Variants in ADGRL3 observed in about 807,000 individuals in gnomAD.
The protein encoded by ADGRL3 is calcium-independent alpha-latrotoxin receptor 3.
In ADGRL3, 62 loss-of-function variants were observed where a neutral mutation model predicts 153.5. The ratio of observed to expected loss-of-function variants is 0.40; its 90% CI spans 0.33 to 0.50. The LOEUF (loss-of-function observed/expected upper bound fraction) is 0.50. Among genes scored for constraint, ADGRL3 ranks in the 20% least tolerant of loss-of-function variants. The pLI is 0.47. For synonymous variants in ADGRL3, 710 were observed against 672.5 expected (o/e 1.06, Z -0.86); for missense variants, 1,641 against 1,859.4 (o/e 0.88, Z 2.16).
chr4:61,353,742 A>G (rs1364663580), intron 1 of ADGRL3, among the ~76,000 whole-genome samples: 1 of 151,356 alleles, frequency 6.6e-6, no homozygotes, highest in African/African-American at 2.4e-5. Flanking sequence ...TACACATCCT[A>G]AGTGTTCTTT....
intron 1 of ADGRL3, among the ~76,000 whole-genome samples, chr4:61,239,115 C>T (rs1221612225): frequency 2.0e-5 from 3 of 152,070 alleles, no homozygotes; most frequent in African/African-American, 4.8e-5. Context: ...CTAAAACTAC[C>T]ACCAAGCACT....
chr4:61,528,160 T>G (rs2098584556), intron 4 of ADGRL3, among the ~76,000 whole-genome samples: 1 of 152,144 alleles, frequency 6.6e-6, no homozygotes, highest in Non-Finnish European at 1.5e-5. Context: ...ATAATAACGG[T>G]CATAACTCAT....
At chr4:61,870,986 G>A (rs1334327472) in intron 9 of ADGRL3, among the ~76,000 whole-genome samples, 1 of 152,112 alleles carries the variant, frequency 6.6e-6, no homozygotes, top group Non-Finnish European at 1.5e-5. Context: ...CATTAAAAAA[G>A]TGTATACGGG....
intron 8 of ADGRL3, among the ~76,000 whole-genome samples, chr4:61,799,038 T>C (rs550559086): frequency 0.014 from 1,665 of 115,646 alleles, 41 homozygotes; most frequent in African/African-American, 0.045. Context: ...TATATATATA[T>C]ACCATATATT....
Position 61,248,456 on chromosome 4 carries a change from T to A in ADGRL3, c.-240+46691T>A, listed in dbSNP as rs75010531. 4.4e-4 allele frequency among the ~76,000 whole-genome samples: 67 copies of A among 152,290 alleles called. 1 individual carries two copies. Among genetic ancestry groups the A allele is most frequent in the Admixed American group, 6.5e-4 (10 of 15,286 alleles). On this transcript the variant is annotated intron_variant, in intron 1 of 26. Coordinates refer to ENST00000683033, the MANE Select transcript of ADGRL3 (RefSeq NM_001387552.1). Reference sequence around the variant, plus strand: ...AGGTGTTTTAAAGAACAAATTTCACTGCTATTTTATAATCAGCTCAGCTAA... The same window carrying A: ...AGGTGTTTTAAAGAACAAATTTCACAGCTATTTTATAATCAGCTCAGCTAA...
At chr4:62,055,317 G>A (rs2151803815) in intron 25 of ADGRL3, among the ~76,000 whole-genome samples, 1 of 151,850 alleles carries the variant, frequency 6.6e-6, no homozygotes, top group East Asian at 1.9e-4. Flanking sequence ...GTACTTTAGA[G>A]AAAATATGTC....
chr4:61,755,023 T>C (rs974495680), intron 8 of ADGRL3, among the ~76,000 whole-genome samples: 1 of 152,244 alleles, frequency 6.6e-6, no homozygotes, highest in Admixed American at 6.5e-5. Context: ...CTATCATTGT[T>C]GGACATTTGG....
chr4:61,790,483 C>G (rs550574948), intron 8 of ADGRL3, among the ~76,000 whole-genome samples: 1 of 152,084 alleles, frequency 6.6e-6, no homozygotes, highest in African/African-American at 2.4e-5. Flanking sequence ...AAATTAGGAA[C>G]AGTAAAAGAT....
chr4:61,761,932 A>G (rs544677811), intron 8 of ADGRL3, among the ~76,000 whole-genome samples: 60 of 152,356 alleles, frequency 3.9e-4, no homozygotes, highest in Non-Finnish European at 7.3e-4. Flanking sequence ...CTCTGTCTCT[A>G]ATAAATAAAT....
intron 6 of ADGRL3, among the ~76,000 whole-genome samples, chr4:61,701,895 A>G (rs1015052850): frequency 6.6e-6 from 1 of 152,150 alleles, no homozygotes; most frequent in South Asian, 2.1e-4. Context: ...TTAGGATCTG[A>G]GGAATGTTAA....
At chr4:62,050,620 T>C (rs1733584644) in intron 25 of ADGRL3, among the ~76,000 whole-genome samples, 1 of 152,084 alleles carries the variant, frequency 6.6e-6, no homozygotes, top group African/African-American at 2.4e-5. Context: ...GAAAAAAATC[T>C]AAGTGATGTT....
chr4:61,437,734 A>G (rs745468401), intron 2 of ADGRL3, among the ~76,000 whole-genome samples: 1 of 152,118 alleles, frequency 6.6e-6, no homozygotes, highest in Non-Finnish European at 1.5e-5. Flanking sequence ...ATTGTCCTCA[A>G]ACAAACTCCC....
intron 6 of ADGRL3, among the ~76,000 whole-genome samples, chr4:61,685,452 G>T (rs577729793): frequency 6.6e-6 from 1 of 152,186 alleles, no homozygotes; most frequent in South Asian, 2.1e-4. Context: ...CAATCAATAT[G>T]ATTCTATGAT....
chr4:61,713,283 A>C (rs931096640), intron 6 of ADGRL3, among the ~76,000 whole-genome samples: 5 of 151,836 alleles, frequency 3.3e-5, no homozygotes, highest in African/African-American at 1.2e-4. Flanking sequence ...GAGTATACTC[A>C]TTTTTTTCCT....
chr4:61,793,143 A>T (rs1400418580), intron 8 of ADGRL3, among the ~76,000 whole-genome samples: 1 of 151,878 alleles, frequency 6.6e-6, no homozygotes, highest in Non-Finnish European at 1.5e-5. Context: ...ATCAGATCTC[A>T]GCCGGGTGTG....
At chr4:61,334,751 A>G (rs1347167315) in intron 1 of ADGRL3, among the ~76,000 whole-genome samples, 2 of 152,074 alleles carry the variant, frequency 1.3e-5, no homozygotes, top group African/African-American at 4.8e-5. Context: ...AGACTTTGCT[A>G]GGCAAGAATA....
chr4:61,382,161 G>T (rs182287501), intron 1 of ADGRL3, among the ~76,000 whole-genome samples: 3 of 151,632 alleles, frequency 2.0e-5, no homozygotes, highest in African/African-American at 7.3e-5. Context: ...CAAAATTCTA[G>T]AATAGATAAT....
chr4:61,746,465 C>G (rs539082393), intron 8 of ADGRL3, among the ~76,000 whole-genome samples: 56 of 152,234 alleles, frequency 3.7e-4, no homozygotes, highest in African/African-American at 1.3e-3. Context: ...AAGTAAAGCA[C>G]TCCTCAGCAA....
intron 6 of ADGRL3, among the ~76,000 whole-genome samples, chr4:61,705,743 C>T (rs938811726): frequency 1.5e-4 from 23 of 152,160 alleles, no homozygotes; most frequent in Non-Finnish European, 2.6e-4. Flanking sequence ...AGGCAATCCG[C>T]GCTCCCTCCT....
Sources: allele counts gnomAD v4.1 joint callset (sites outside exome capture counted in the v4.1 genomes callset), GRCh38; gene constraint gnomAD v4.1.1; transcripts MANE v1.5; gene names NCBI Gene and HGNC (gene_info 2026-07-23, HGNC 2026-07-21).